Variants in TRIM2 observed in about 807,000 individuals in gnomAD.
TRIM2 encodes tripartite motif containing 2.
TRIM2 carries 20 observed loss-of-function variants against 75.2 expected under a neutral mutation model. The ratio of observed to expected loss-of-function variants is 0.27; its 90% CI spans 0.19 to 0.39. The LOEUF (loss-of-function observed/expected upper bound fraction) is 0.39. Among genes scored for constraint, TRIM2 ranks in the 10% least tolerant of loss-of-function variants. The pLI is 1.00. For synonymous variants in TRIM2, 373 were observed against 388.3 expected, an observed-to-expected ratio of 0.96 and a Z score of 0.46; for missense variants, 660 against 990.8, an observed-to-expected ratio of 0.67 and a Z score of 4.48.
chr4:153,174,477 C>G (rs1731212681), intron 1 of TRIM2, among the ~76,000 whole-genome samples: 1 of 152,118 alleles, frequency 6.6e-6, no homozygotes, highest in African/African-American at 2.4e-5. Context: ...TGGTCAGGCC[C>G]CCTGCCCCCA....
chr4:153,225,008 C>A (rs554422508), intron 1 of TRIM2, among the ~76,000 whole-genome samples: 1 of 152,136 alleles, frequency 6.6e-6, no homozygotes, highest in Admixed American at 6.5e-5. Flanking sequence ...GTTTACTTGG[C>A]CTTTTCTGAG....
chr4:153,301,675 G>A (rs1175430457), intron 6 of TRIM2, among the ~76,000 whole-genome samples: 1 of 152,196 alleles, frequency 6.6e-6, no homozygotes, highest in Non-Finnish European at 1.5e-5. Flanking sequence ...TATATGGTGT[G>A]AGATGAAAGT....
At chr4:153,285,914 G>A (rs755121620) in intron 3 of TRIM2, among the ~76,000 whole-genome samples, 6 of 152,134 alleles carry the variant, frequency 3.9e-5, no homozygotes, top group Non-Finnish European at 7.3e-5. Flanking sequence ...TCAGTACACC[G>A]TTGACTAGAA....
intron 1 of TRIM2, among the ~76,000 whole-genome samples, chr4:153,158,839 T>G (rs1482808028): frequency 6.6e-6 from 1 of 152,202 alleles, no homozygotes; most frequent in Non-Finnish European, 1.5e-5. Context: ...ACTTTTCACC[T>G]AAAGGCAAAC....
intron 1 of TRIM2, among the ~76,000 whole-genome samples, chr4:153,168,407 C>A (rs1282059681): frequency 6.6e-6 from 1 of 151,958 alleles, no homozygotes; most frequent in East Asian, 1.9e-4. Flanking sequence ...GTAATGATTT[C>A]TCTGTGGTAG....
At chr4:153,207,251 A>G (rs1016235636) in intron 1 of TRIM2, among the ~76,000 whole-genome samples, 1 of 152,178 alleles carries the variant, frequency 6.6e-6, no homozygotes. Context: ...AAATTCCAGG[A>G]AGGGCCAGCC....
At chr4:153,330,750 C>T (rs1462231003) in intron 11 of TRIM2, among the ~76,000 whole-genome samples, 1 of 152,184 alleles carries the variant, frequency 6.6e-6, no homozygotes, top group East Asian at 1.9e-4. Context: ...CCATAGCTAA[C>T]ACCATACTTC....
chr4:153,276,159 C>G, intron 3 of TRIM2, 29 bp downstream of exon 3: 1 of 1,583,286 alleles, frequency 6.3e-7, no homozygotes, highest in Non-Finnish European at 8.7e-7. Flanking sequence ...AGATACTGCC[C>G]GGGAGCATGA....
intron 1 of TRIM2, among the ~76,000 whole-genome samples, chr4:153,269,280 G>C (rs1453806078): frequency 6.6e-6 from 1 of 152,182 alleles, no homozygotes; most frequent in Non-Finnish European, 1.5e-5. Flanking sequence ...AAAGAAAGAG[G>C]GGTTTGGACT....
In TRIM2 at chr4:153,295,249, G is replaced by GTAT; in HGVS notation, c.787-64_787-63insTAT. ...AGAGTCTCCTTCTCGCCGGTGGAGG[G>GTAT]CACTGCCCCGGGCTAGGCCCCGCCC... On this transcript the variant is annotated intron_variant, in intron 5 of 11. Coordinates refer to ENST00000338700, the MANE Select transcript of TRIM2 (RefSeq NM_015271.5). The surrounding 1 kb of genome is among the most constrained non-coding windows in gnomAD (Gnocchi z 7.2). 3 of 1,461,668 alleles carry GTAT rather than the reference G, an allele frequency of 2.1e-6. No individual in the cohort carries two copies. The highest frequency in any genetic ancestry group is 5.2e-5 in the Admixed American group (2 of 38,128). 90.5% of individuals were successfully genotyped at this position (1,461,668 alleles called of 1,614,324 possible). A position where few individuals can be genotyped will look rare whatever the true frequency, so the allele number is the denominator to read the frequency against.
intron 6 of TRIM2, among the ~76,000 whole-genome samples, chr4:153,307,048 C>A (rs1167504477): frequency 6.6e-6 from 1 of 152,070 alleles, no homozygotes; most frequent in Non-Finnish European, 1.5e-5. Flanking sequence ...TAAGTGTATG[C>A]CCACTGTGAG....
intron 1 of TRIM2, among the ~76,000 whole-genome samples, chr4:153,234,482 T>C (rs1295540376): frequency 1.3e-5 from 2 of 152,214 alleles, no homozygotes; most frequent in Admixed American, 6.5e-5. Flanking sequence ...CAGTGAAATA[T>C]ATGTATCTAT....
intron 1 of TRIM2, among the ~76,000 whole-genome samples, chr4:153,167,764 AGC>A (rs1730458125): frequency 6.6e-6 from 1 of 152,202 alleles, no homozygotes; most frequent in African/African-American, 2.4e-5. Flanking sequence ...AGGAGAAAAG[AGC>A]GCAGACTTAG....
At chr4:153,257,295 G>A (rs559190292) in intron 1 of TRIM2, 12 of 530,462 alleles carry the variant, frequency 2.3e-5, no homozygotes, top group South Asian at 3.8e-5. Flanking sequence ...TGCTGACTCA[G>A]AGGGAAAGCA....
chr4:153,309,631 TTC>T (rs1328098997), intron 6 of TRIM2: 8 of 150,530 alleles, frequency 5.3e-5, no homozygotes, highest in African/African-American at 2.0e-4. Context: ...TAGCATTAAC[TTC>T]TTTTTTTTTT....
chr4:153,272,027 T>C (rs926307419), intron 2 of TRIM2, among the ~76,000 whole-genome samples: 3 of 152,136 alleles, frequency 2.0e-5, no homozygotes, highest in African/African-American at 7.2e-5. Flanking sequence ...CCACTTCCAC[T>C]CCCCACCCAA....
Position 153,211,757 on chromosome 4 carries a change from G to T in TRIM2, c.30+7197G>T, listed in dbSNP as rs116633914. Among the ~76,000 whole-genome samples, 6 of 151,936 alleles carry T rather than the reference G, an allele frequency of 3.9e-5. No homozygotes were observed. In the East Asian group the frequency reaches 7.8e-4, roughly 20 times the overall value. On this transcript the variant is annotated intron_variant, in intron 1 of 11. Coordinates refer to ENST00000338700, the MANE Select transcript of TRIM2 (RefSeq NM_015271.5). The stretch of plus-strand genomic sequence containing the variant: ...TGCCCACCTGGGCCTCCCAAAGTGC[G>T]GGATTACAGGCATGAACCACCTCAC...
intron 3 of TRIM2, among the ~76,000 whole-genome samples, chr4:153,287,480 A>G (rs1482455699): frequency 2.6e-5 from 4 of 152,142 alleles, no homozygotes; most frequent in African/African-American, 7.2e-5. Context: ...CTTTTTCTGT[A>G]TGGCATATCT....
At chr4:153,278,499 T>C (rs1758512320) in intron 3 of TRIM2, among the ~76,000 whole-genome samples, 1 of 152,130 alleles carries the variant, frequency 6.6e-6, no homozygotes, top group African/African-American at 2.4e-5. Flanking sequence ...CTATAGTAGG[T>C]CTCCTAATGT....
Sources: gnomAD v4.1 joint callset for allele counts (sites outside exome capture counted in the v4.1 genomes callset) on GRCh38, gnomAD v4.1.1 for gene constraint, Gnocchi (gnomAD v3.1) non-coding constraint, MANE v1.5 for transcripts, NCBI Gene and HGNC (gene_info 2026-07-23, HGNC 2026-07-21) for gene names.